The following CDH20 variants were observed in gnomAD, a reference collection of about 807,000 sequenced individuals.
CDH20 encodes cadherin-20.
CDH20 carries 29 observed loss-of-function variants against 74.2 expected under a neutral mutation model. The observed-to-expected ratio is 0.39, with a 90% CI of 0.29 to 0.53. The LOEUF is 0.53. Ranked by LOEUF, CDH20 falls within the 20% of genes least tolerant of loss-of-function variation. CDH20 has a pLI of 0.69. For synonymous variants in CDH20, 469 were observed against 405.4 expected (o/e 1.16, Z -1.88); for missense variants, 988 against 1,048.3 (o/e 0.94, Z 0.79).
intron 6 of CDH20, among the ~76,000 whole-genome samples, chr18:61,509,870 C>A (rs1431629652): frequency 1.3e-5 from 2 of 152,094 alleles, no homozygotes; most frequent in Non-Finnish European, 2.9e-5. Context: ...GCAGAGCCAA[C>A]AGGATTTCCT....
chr18:61,486,286 A>C (rs1389831794), intron 1 of CDH20, among the ~76,000 whole-genome samples: 1 of 152,174 alleles, frequency 6.6e-6, no homozygotes, highest in Non-Finnish European at 1.5e-5. Flanking sequence ...TACACAAACA[A>C]ATCCAGAAAT....
intron 1 of CDH20, among the ~76,000 whole-genome samples, chr18:61,347,303 TATATATATATATATATAC>T (rs1195488734): frequency 3.7e-5 from 3 of 80,518 alleles, no homozygotes; most frequent in African/African-American, 1.8e-4. Context: ...TATATATATA[TATATATATATATATATAC>T]ACACACACAC....
intron 10 of CDH20, among the ~76,000 whole-genome samples, chr18:61,546,588 G>C (rs929954294): frequency 1.3e-5 from 2 of 152,012 alleles, no homozygotes; most frequent in African/African-American, 4.8e-5. Context: ...GCAACCCTGG[G>C]GAGGGAAAAT....
intron 2 of CDH20, among the ~76,000 whole-genome samples, chr18:61,492,983 C>G (rs534007468): frequency 1.2e-4 from 18 of 152,222 alleles, no homozygotes; most frequent in Admixed American, 1.1e-3. Context: ...AGTACTTAAT[C>G]CAGAGTAAAA....
At chr18:61,472,347 T>C (rs1369334116) in intron 1 of CDH20, among the ~76,000 whole-genome samples, 1 of 151,316 alleles carries the variant, frequency 6.6e-6, no homozygotes, top group East Asian at 2.0e-4. Context: ...AGGAAAACCT[T>C]CTTCCCTCAA....
chr18:61,554,584 G>A lies in CDH20; in HGVS notation c.2295G>A (p.Ser765=), dbSNP rs377221322. 4.4e-6 allele frequency: 7 copies of A among 1,608,896 alleles called. No individual in the cohort carries two copies. The highest frequency in any genetic ancestry group is 3.4e-5 in the Admixed American group (2 of 59,688). The change falls in exon 12 of 12, where the codon TCG becomes TCA. Residue 765 remains serine, a synonymous_variant. Coordinates refer to ENST00000262717, the MANE Select transcript of CDH20 (RefSeq NM_031891.4). ...SVAGSLSSLQ[S]ATSDSEQSFD... ...CGGGGTCGCTGAGCTCCCTGCAGTCGGCCACGTCGGACTCGGAACAGAGCT... is the reference window on the plus strand; with the variant it reads ...CGGGGTCGCTGAGCTCCCTGCAGTCAGCCACGTCGGACTCGGAACAGAGCT...
intron 6 of CDH20, among the ~76,000 whole-genome samples, chr18:61,514,222 C>G (rs1911895968): frequency 6.6e-6 from 1 of 151,480 alleles, no homozygotes; most frequent in East Asian, 1.9e-4. Context: ...TTTCTCTAAA[C>G]TTCCCTTCTC....
intron 1 of CDH20, chr18:61,405,176 C>G: frequency 4.0e-6 from 2 of 500,690 alleles, no homozygotes; most frequent in South Asian, 3.6e-5. Flanking sequence ...TCAACTCCAG[C>G]GACTTTTTTG....
chr18:61,502,963 G>A lies in CDH20; in HGVS notation c.672G>A (p.Arg224=), dbSNP rs749590722. 6.2e-7 allele frequency: 1 copy of A among 1,610,780 alleles called. No homozygotes were observed. The highest frequency in any genetic ancestry group is 8.5e-7 in the Non-Finnish European group (1 of 1,178,858). ...ATTTCTATCCTCCAGGTGTAATTAG[G>A]ACAGCGCTCATGAACATGGACAGAG... ...FSVDSKTGVI[R]TALMNMDREA... is the part of the protein sequence containing the mutation. Residue 224 remains arginine (R), a synonymous_variant, in exon 5 of 12, where the codon AGG becomes AGA. Coordinates refer to ENST00000262717, the MANE Select transcript of CDH20 (RefSeq NM_031891.4).
chr18:61,490,302 A>G, intron 1 of CDH20, 100 bp from the exon 2 acceptor site: 1 of 430,070 alleles, frequency 2.3e-6, no homozygotes, highest in Non-Finnish European at 4.2e-6. Context: ...TAACTCATTG[A>G]GTAGAAAGTT....
chr18:61,453,280 TTTTG>T (rs1270434019), intron 1 of CDH20, among the ~76,000 whole-genome samples: 4 of 150,006 alleles, frequency 2.7e-5, no homozygotes, highest in South Asian at 2.1e-4. Context: ...TTTTCTGTTT[TTTTG>T]TTTGTTTTTT....
At chr18:61,370,349 T>G (rs1006556958) in intron 1 of CDH20, among the ~76,000 whole-genome samples, 1 of 152,218 alleles carries the variant, frequency 6.6e-6, no homozygotes, top group South Asian at 2.1e-4. Context: ...TCAGGTGTAA[T>G]TTAATAACTT....
chr18:61,354,041 CAAAAAAA>C (rs35091174), intron 1 of CDH20, among the ~76,000 whole-genome samples: 1 of 139,004 alleles, frequency 7.2e-6, no homozygotes, highest in African/African-American at 2.7e-5. Flanking sequence ...GAGACCCTGT[CAAAAAAA>C]AAAAAAGAAA....
chr18:61,465,990 G>A (rs1011340378), intron 1 of CDH20, among the ~76,000 whole-genome samples: 3 of 151,958 alleles, frequency 2.0e-5, no homozygotes, highest in African/African-American at 4.8e-5. Flanking sequence ...AGCCCAGGTG[G>A]TTGAGGCTGC....
intron 1 of CDH20, among the ~76,000 whole-genome samples, chr18:61,467,145 G>GTATA (rs151252715): frequency 1.3e-5 from 2 of 151,166 alleles, no homozygotes; most frequent in African/African-American, 2.4e-5. Flanking sequence ...TCTAATGACA[G>GTATA]TATATATATA....
intron 1 of CDH20, among the ~76,000 whole-genome samples, chr18:61,475,700 T>G (rs1305228429): frequency 6.6e-5 from 10 of 152,196 alleles, no homozygotes; most frequent in Non-Finnish European, 1.5e-5. Flanking sequence ...GTTATTGCAC[T>G]AAAGTGGAAA....
At position 61,353,265 on chromosome 18, in the gene CDH20, C is replaced by T. The variant is rs1338309140; in HGVS notation, c.-153+19438C>T. The stretch of plus-strand genomic sequence containing the variant: ...CCAGATAACTCTCTTGCATGATACA[C>T]ACCAATACACATTCTTTCCTTTGTT... On this transcript the variant is annotated intron_variant, in intron 1 of 11. Coordinates refer to ENST00000262717, the MANE Select transcript of CDH20 (RefSeq NM_031891.4). This position sits in a 1 kb window ranked among gnomAD's most constrained non-coding sequence, Gnocchi z 4.6. 6.6e-6 allele frequency among the ~76,000 whole-genome samples: 1 copy of T among 152,214 alleles called. No homozygotes were observed. The highest frequency in any genetic ancestry group is 6.5e-5 in the Admixed American group (1 of 15,284).
intron 2 of CDH20, among the ~76,000 whole-genome samples, chr18:61,496,827 C>T (rs1268476729): frequency 6.6e-6 from 1 of 152,080 alleles, no homozygotes; most frequent in African/African-American, 2.4e-5. Flanking sequence ...AGTCCTATGC[C>T]ACATGCCATA....
chr18:61,443,263 A>G (rs577835346), intron 1 of CDH20, among the ~76,000 whole-genome samples: 6 of 152,044 alleles, frequency 3.9e-5, no homozygotes, highest in Non-Finnish European at 5.9e-5. Flanking sequence ...TGGGCCAAAC[A>G]TGTCCCTTGG....
Sources: gnomAD v4.1 joint callset for allele counts (sites outside exome capture counted in the v4.1 genomes callset) on GRCh38, gnomAD v4.1.1 for gene constraint, Gnocchi (gnomAD v3.1) non-coding constraint, MANE v1.5 for transcripts, NCBI Gene and HGNC (gene_info 2026-07-23, HGNC 2026-07-21) for gene names.